Variants in SCGN observed in about 807,000 individuals in gnomAD.
SCGN encodes secretagogin, EF-hand calcium binding protein, also known as secretagogin.
In SCGN, 30 loss-of-function variants were observed where a neutral mutation model predicts 39.7. The observed-to-expected ratio is 0.76, with a 90% confidence interval of 0.57 to 1.03. SCGN has a LOEUF of 1.03. SCGN is among the 50% of genes least tolerant of loss of function. The pLI is 0.00. For missense variants in SCGN, 353 were observed against 349.4 expected (o/e 1.01, Z -0.08); for synonymous variants, 106 against 114.1 (o/e 0.93, Z 0.45).
chr6:25,678,328 A>T (rs1044398467), intron 6 of SCGN, among the ~76,000 whole-genome samples: 1 of 152,130 alleles, frequency 6.6e-6, no homozygotes, highest in Non-Finnish European at 1.5e-5. Context: ...AGCCCTCCTG[A>T]AGTGAATTAG....
chr6:25,696,998 C>T (rs371486840), intron 10 of SCGN, among the ~76,000 whole-genome samples: 5 of 152,100 alleles, frequency 3.3e-5, no homozygotes, highest in African/African-American at 9.7e-5. Flanking sequence ...TGGAAACTAG[C>T]GATGGGAAGA....
chr6:25,673,452 C>T (rs576767736), intron 6 of SCGN, among the ~76,000 whole-genome samples: 1 of 152,204 alleles, frequency 6.6e-6, no homozygotes, highest in Non-Finnish European at 1.5e-5. Context: ...ATTAAAGAAG[C>T]TTCAGGCTGG....
intron 6 of SCGN, among the ~76,000 whole-genome samples, chr6:25,677,373 G>T (rs1471283095): frequency 6.6e-6 from 1 of 151,968 alleles, no homozygotes; most frequent in Non-Finnish European, 1.5e-5. Flanking sequence ...CTTAATAATT[G>T]TTTGGGATAT....
Position 25,653,442 on chromosome 6 carries a change from TG to T in SCGN, c.146del (p.Gly49ValfsTer7). 2 of 1,612,270 alleles carry T rather than the reference TG, an allele frequency of 1.2e-6. No homozygotes were observed. The highest frequency in any genetic ancestry group is 1.7e-6 in the Non-Finnish European group (2 of 1,178,556). ...DAFFLHMLMK[L>X]GTDDTVMKAN... ...TTCTTTCTCCACATGTTGATGAAAC[TG>T]GGTACTGATGTAAGTACTTGCACAC... On this transcript the variant is annotated frameshift_variant, in exon 2 of 11. Coordinates refer to ENST00000377961, the MANE Select transcript of SCGN (RefSeq NM_006998.4). LOFTEE classifies it high-confidence loss of function.
intron 4 of SCGN, among the ~76,000 whole-genome samples, chr6:25,666,114 C>T (rs1022337066): frequency 6.8e-5 from 10 of 146,570 alleles, no homozygotes; most frequent in South Asian, 6.4e-4. Flanking sequence ...CTGAGGTGGG[C>T]GAGTCACCTG....
At chr6:25,682,575 G>A (rs1447565796) in intron 7 of SCGN, among the ~76,000 whole-genome samples, 2 of 152,204 alleles carry the variant, frequency 1.3e-5, no homozygotes. Flanking sequence ...AAGTCTGGCT[G>A]ATCCCAAACA....
intron 10 of SCGN, among the ~76,000 whole-genome samples, chr6:25,695,461 G>A (rs899697653): frequency 1.3e-5 from 2 of 151,832 alleles, no homozygotes; most frequent in South Asian, 2.1e-4. Context: ...AACATTTACC[G>A]TCATAGCAAA....
intron 6 of SCGN, among the ~76,000 whole-genome samples, chr6:25,679,350 C>T (rs1434621851): frequency 6.6e-6 from 1 of 152,180 alleles, no homozygotes; most frequent in Non-Finnish European, 1.5e-5. Flanking sequence ...GATTTGAGTA[C>T]CAATGTCACA....
At chr6:25,695,356 C>T (rs1582590299) in intron 10 of SCGN, among the ~76,000 whole-genome samples, 1 of 152,212 alleles carries the variant, frequency 6.6e-6, no homozygotes, top group East Asian at 1.9e-4. Context: ...ATAAACTTAT[C>T]CATCACCTGC....
At chr6:25,669,684 A>G in intron 5 of SCGN, 117 bp downstream of exon 5, 1 of 833,968 alleles carries the variant, frequency 1.2e-6, no homozygotes, top group Non-Finnish European at 2.0e-6. Context: ...TGACTCAAAA[A>G]ATACATACAT....
intron 10 of SCGN, among the ~76,000 whole-genome samples, chr6:25,699,817 T>G (rs1173173686): frequency 6.6e-6 from 1 of 152,122 alleles, no homozygotes; most frequent in African/African-American, 2.4e-5. Context: ...TCCTGATTGG[T>G]TAATTTAACT....
At chr6:25,682,386 C>CA (rs11402808) in intron 7 of SCGN, among the ~76,000 whole-genome samples, 123,875 of 152,062 alleles carry the variant, frequency 0.81, 50,702 homozygotes, top group African/African-American at 0.88. Context: ...ACTACTCAGC[C>CA]GACTCCAGGT....
chr6:25,669,289 A>C (rs1759458417), intron 4 of SCGN, among the ~76,000 whole-genome samples: 1 of 152,170 alleles, frequency 6.6e-6, no homozygotes, highest in Non-Finnish European at 1.5e-5. Flanking sequence ...TTTCACTGAA[A>C]CCATTGTGGC....
At position 25,653,388 on chromosome 6, in the gene SCGN, G is replaced by A. The variant is rs371145510; in HGVS notation, c.89G>A (p.Gly30Asp). 60 of 1,606,506 alleles carry A rather than the reference G, an allele frequency of 3.7e-5. No homozygotes were observed. The African/African-American group carries it at 6.6e-4, about 18-fold the overall frequency. The change falls in exon 2 of 11, where the codon GGT (glycine) becomes GAT (aspartate). Residue 30 changes from glycine to aspartate, a missense_variant. Gly to Asp is a moderately conservative substitution (Grantham distance 94, BLOSUM62 -1). Transcript: ENST00000377961. Reference protein sequence around the residue: ...VWQRFDADEKGYIEEKELDAF... With the variant: ...VWQRFDADEKDYIEEKELDAF... ...TTTATTTTCTCACATTTAGAAAAAG[G>A]TTACATAGAAGAGAAGGAACTCGAT...
At chr6:25,653,924 T>C (rs921973431) in intron 2 of SCGN, among the ~76,000 whole-genome samples, 2 of 152,198 alleles carry the variant, frequency 1.3e-5, no homozygotes, top group Admixed American at 6.5e-5. Flanking sequence ...GTTACAGATT[T>C]TTCAGGGAAT....
rs1198153370 is a variant in SCGN at position 25,701,210 on chromosome 6, A to T, written c.706A>T (p.Ser236Cys). The part of the protein sequence containing the change: ...VKDMMELVQP[S>C]ISGVDLDKFR... ...ATGTTACTTTTGTCGCCCTCAGCCCAGCATCAGCGGGGTGGACCTTGATAA... is the reference window on the plus strand; with the variant it reads ...ATGTTACTTTTGTCGCCCTCAGCCCTGCATCAGCGGGGTGGACCTTGATAA... The change falls in exon 11 of 11, where the codon AGC becomes TGC. Residue 236 changes from serine to cysteine, a missense_variant. Transcript: ENST00000377961. 1 of 1,610,878 alleles carries T rather than the reference A, an allele frequency of 6.2e-7. No homozygotes were observed. The highest frequency in any genetic ancestry group is 1.3e-5 in the African/African-American group (1 of 74,838).
At chr6:25,671,499 G>C (rs1176251846) in intron 6 of SCGN, among the ~76,000 whole-genome samples, 4 of 152,200 alleles carry the variant, frequency 2.6e-5, no homozygotes, top group Non-Finnish European at 4.4e-5. Flanking sequence ...CTAGACAGGA[G>C]AAAACAAATG....
intron 4 of SCGN, among the ~76,000 whole-genome samples, chr6:25,666,386 C>T (rs1760425941): frequency 6.6e-6 from 1 of 151,960 alleles, no homozygotes; most frequent in Non-Finnish European, 1.5e-5. Context: ...CTTTTTCAGG[C>T]ATCTATTTTA....
At chr6:25,689,377 G>T in intron 8 of SCGN, 96 bp from the exon 9 acceptor site, 1 of 1,255,936 alleles carries the variant, frequency 8.0e-7, no homozygotes, top group South Asian at 1.3e-5. Flanking sequence ...AAAGGTCATT[G>T]ACTCAAAGTT....
Sources: gnomAD v4.1 joint callset for allele counts (sites outside exome capture counted in the v4.1 genomes callset) on GRCh38, gnomAD v4.1.1 for gene constraint, MANE v1.5 for transcripts, NCBI Gene and HGNC (gene_info 2026-07-23, HGNC 2026-07-21) for gene names.